The following RIMS2 variants were observed in gnomAD, a reference collection of about 807,000 sequenced individuals.
RIMS2 encodes regulating synaptic membrane exocytosis protein 2.
RIMS2 carries 59 observed loss-of-function variants against 174.4 expected under a neutral mutation model. The ratio of observed to expected loss-of-function variants is 0.34; its 90% CI spans 0.27 to 0.42. The LOEUF (loss-of-function observed/expected upper bound fraction) is 0.42, where lower values mean the gene tolerates loss of function less well. Among genes scored for constraint, RIMS2 ranks in the 10% least tolerant of loss-of-function variants. The pLI, the probability that RIMS2 is intolerant of heterozygous loss-of-function variation, is 1.00. For missense variants in RIMS2, 1,620 were observed against 1,666.3 expected (o/e 0.97, Z 0.48); for synonymous variants, 606 against 572.5 (o/e 1.06, Z -0.84).
At chr8:104,087,517 A>G (rs529031940) in intron 19 of RIMS2, among the ~76,000 whole-genome samples, 1 of 152,238 alleles carries the variant, frequency 6.6e-6, no homozygotes, top group East Asian at 1.9e-4. Flanking sequence ...GGAAGACTTC[A>G]CAGAGGAGGT....
chr8:103,782,474 A>C (rs2098401391), intron 3 of RIMS2, among the ~76,000 whole-genome samples: 1 of 149,952 alleles, frequency 6.7e-6, no homozygotes, highest in Admixed American at 6.6e-5. Context: ...GTGTACTTAC[A>C]GTTTTGCAAA....
chr8:103,770,350 C>A (rs992412303), intron 3 of RIMS2, among the ~76,000 whole-genome samples: 1 of 152,070 alleles, frequency 6.6e-6, no homozygotes. Context: ...CCGAGGAGGG[C>A]GGATCACCTG....
In RIMS2 at chr8:103,886,269, GT is replaced by G. The variant is rs533209348; in HGVS notation, c.1624+54del. On this transcript the variant is annotated intron_variant, in intron 4 of 23. Coordinates refer to ENST00000504942, the Ensembl canonical transcript of RIMS2. ...TTTTGCTGTAATTGATTAGATAAGC[GT>G]TTTTTTTAATAGATTGCATTTCTGA... 351 of 1,459,362 alleles carry G rather than the reference GT, an allele frequency of 2.4e-4. No individual in the cohort carries two copies. In the East Asian group the frequency reaches 2.8e-3, roughly 12 times the overall value. 90.4% of individuals were successfully genotyped at this position (1,459,362 alleles called of 1,614,324 possible).
At chr8:103,904,482 C>T (rs2073943501) in intron 4 of RIMS2, among the ~76,000 whole-genome samples, 1 of 151,936 alleles carries the variant, frequency 6.6e-6, no homozygotes, top group Non-Finnish European at 1.5e-5. Flanking sequence ...GCCAGTTCCC[C>T]TCAATTTTTT....
At chr8:104,163,478 C>T (rs773813081) in intron 19 of RIMS2, among the ~76,000 whole-genome samples, 24 of 152,186 alleles carry the variant, frequency 1.6e-4, no homozygotes, top group Middle Eastern at 3.4e-3. Flanking sequence ...CAATGATATA[C>T]GAGTTTATTG....
At chr8:103,918,644 T>A (rs1045539142) in intron 9 of RIMS2, 157 bp downstream of exon 12, 72 of 602,670 alleles carry the variant, frequency 1.2e-4, no homozygotes, top group Non-Finnish European at 2.1e-4. Flanking sequence ...TTATTTCATG[T>A]CACTGTGGGA....
intron 1 of RIMS2, among the ~76,000 whole-genome samples, chr8:103,654,911 A>C (rs912579396): frequency 6.6e-6 from 1 of 152,000 alleles, no homozygotes; most frequent in African/African-American, 2.4e-5. Flanking sequence ...AGCTAGTATT[A>C]AAAATCTATT....
chr8:104,183,680 T>A (rs1480949459), intron 19 of RIMS2, among the ~76,000 whole-genome samples: 3 of 151,660 alleles, frequency 2.0e-5, no homozygotes, highest in Non-Finnish European at 4.4e-5. Context: ...ATTCATTTTT[T>A]AAAAATTGAA....
In RIMS2 at chr8:104,061,758, T is replaced by G. The variant is rs571629340; in HGVS notation, c.3334+47143T>G. Among the ~76,000 whole-genome samples, 6 of 151,994 alleles carry G rather than the reference T, an allele frequency of 3.9e-5. No individual in the cohort carries two copies. The South Asian group carries it at 6.2e-4, about 16-fold the overall frequency. Reference sequence around the variant, plus strand: ...CACATATGTACAACATCCTCATCATTTTTTATGGATGCATTGTATTCTATA... The same window carrying G: ...CACATATGTACAACATCCTCATCATGTTTTATGGATGCATTGTATTCTATA... On this transcript the variant is annotated intron_variant, in intron 19 of 23. Transcript: ENST00000504942.
chr8:104,099,216 A>G (rs575416525), intron 19 of RIMS2, among the ~76,000 whole-genome samples: 1 of 152,296 alleles, frequency 6.6e-6, no homozygotes, highest in East Asian at 1.9e-4. Context: ...GACAGTATTT[A>G]ATATTCCATT....
At chr8:104,112,953 T>C (rs567371956) in intron 19 of RIMS2, among the ~76,000 whole-genome samples, 22 of 152,320 alleles carry the variant, frequency 1.4e-4, no homozygotes, top group Non-Finnish European at 3.1e-4. Flanking sequence ...TAGGTAAAAT[T>C]TAGTGCCCTT....
At chr8:104,011,156 C>A (rs184490540) in intron 17 of RIMS2, among the ~76,000 whole-genome samples, 21 of 152,208 alleles carry the variant, frequency 1.4e-4, no homozygotes, top group Admixed American at 1.3e-3. Context: ...AACATTGTGT[C>A]TAAGCTAGTC....
At chr8:104,212,888 T>C (rs1299806376) in intron 19 of RIMS2, among the ~76,000 whole-genome samples, 1 of 152,116 alleles carries the variant, frequency 6.6e-6, no homozygotes, top group Admixed American at 6.5e-5. Flanking sequence ...TGAGAAATGG[T>C]TGAGTATGGT....
In RIMS2 at chr8:103,562,943, C is replaced by T. The variant is rs377016705; in HGVS notation, c.176+61881C>T. Among the ~76,000 whole-genome samples the T allele has an allele frequency of 1.5e-3, 225 of 152,250 alleles. 1 individual carries two copies. The highest frequency in any genetic ancestry group is 5.1e-3 in the African/African-American group (210 of 41,554). ...CACCCTCTGAAGCAACAGCCTGAGC[C>T]GTACCTTGGCCCCTTTTAGTCAAGG... On this transcript the variant is annotated intron_variant, in intron 1 of 23. Transcript: ENST00000504942.
chr8:104,101,537 T>C (rs1192726403), intron 19 of RIMS2, among the ~76,000 whole-genome samples: 1 of 152,146 alleles, frequency 6.6e-6, no homozygotes, highest in Non-Finnish European at 1.5e-5. Context: ...TGTTTTGATA[T>C]GCTTATTTTG....
chr8:103,690,342 T>C (rs1024141168), intron 1 of RIMS2, among the ~76,000 whole-genome samples: 1 of 152,202 alleles, frequency 6.6e-6, no homozygotes, highest in Admixed American at 6.5e-5. Context: ...TTTTGTTTTT[T>C]ATGGTTGCTT....
intron 19 of RIMS2, among the ~76,000 whole-genome samples, chr8:104,052,584 T>G (rs1000938628): frequency 2.0e-5 from 3 of 152,132 alleles, no homozygotes; most frequent in Non-Finnish European, 2.9e-5. Flanking sequence ...TGTCCAAGAA[T>G]AGGCAAGACA....
chr8:103,621,678 G>A (rs1165471147), intron 1 of RIMS2, among the ~76,000 whole-genome samples: 1 of 152,222 alleles, frequency 6.6e-6, no homozygotes, highest in Non-Finnish European at 1.5e-5. Flanking sequence ...GGAGAGGAAA[G>A]TCTTTGAAGA....
intron 19 of RIMS2, among the ~76,000 whole-genome samples, chr8:104,142,618 AT>A (rs2098594755): frequency 6.6e-6 from 1 of 152,212 alleles, no homozygotes; most frequent in Non-Finnish European, 1.5e-5. Flanking sequence ...TCCTTAAGTT[AT>A]CCCAAGTAAG....
Sources: gnomAD v4.1 joint callset for allele counts (sites outside exome capture counted in the v4.1 genomes callset) on GRCh38, gnomAD v4.1.1 for gene constraint, MANE v1.5 for transcripts, NCBI Gene and HGNC (gene_info 2026-07-23, HGNC 2026-07-21) for gene names.